The following HSF2BP variants were observed in gnomAD, a reference collection of about 807,000 sequenced individuals.
The protein encoded by HSF2BP is heat shock factor 2-binding protein.
HSF2BP carries 35 observed loss-of-function variants against 35.0 expected under a neutral mutation model. The observed-to-expected ratio is 1.00, with a 90% CI of 0.76 to 1.32. The LOEUF (loss-of-function observed/expected upper bound fraction) is 1.32. HSF2BP is among the 40% of genes most tolerant of loss of function. The pLI is 0.00. For synonymous variants in HSF2BP, 114 were observed against 117.4 expected, an observed-to-expected ratio of 0.97 and a Z score of 0.18; for missense variants, 326 against 321.7, an observed-to-expected ratio of 1.01 and a Z score of -0.10.
rs186225916 is a variant in HSF2BP, at chr21:43,658,995, G to A, written c.-225+391C>T. Among the ~76,000 whole-genome samples, 1,160 of 152,322 alleles carry A rather than the reference G, an allele frequency of 7.6e-3. 10 individuals are homozygous for A. The highest frequency in any genetic ancestry group is 0.026 in the African/African-American group (1,063 of 41,562). ...CTGGCTCAACGAGGTGTGCTAAATG[G>A]GATTAAAGATCCTGGACCGTGGCCA... On this transcript the variant is annotated intron_variant, in intron 1 of 8. Coordinates refer to ENST00000291560, the MANE Select transcript of HSF2BP (RefSeq NM_007031.2).
At chr21:43,631,718 A>C (rs2082458788) in intron 5 of HSF2BP, among the ~76,000 whole-genome samples, 1 of 152,132 alleles carries the variant, frequency 6.6e-6, no homozygotes, top group Non-Finnish European at 1.5e-5. Flanking sequence ...ACTCTATGAC[A>C]TTAACTCTCC....
At chr21:43,609,495 C>A (rs1016064342) in intron 7 of HSF2BP, among the ~76,000 whole-genome samples, 5 of 152,052 alleles carry the variant, frequency 3.3e-5, no homozygotes, top group African/African-American at 9.7e-5. Context: ...ATCTCTGGGT[C>A]TAAGGTACTA....
At chr21:43,632,463 A>T (rs1287764628) in intron 5 of HSF2BP, among the ~76,000 whole-genome samples, 1 of 125,436 alleles carries the variant, frequency 8.0e-6, no homozygotes, top group Non-Finnish European at 1.7e-5. Context: ...GCTCAAACAC[A>T]CATGCTCACA....
intron 7 of HSF2BP, among the ~76,000 whole-genome samples, chr21:43,607,176 G>C (rs1421509328): frequency 2.0e-5 from 3 of 151,960 alleles, no homozygotes; most frequent in Non-Finnish European, 2.9e-5. Context: ...TGTAGTCCCA[G>C]CTACTCAGGA....
At chr21:43,627,715 G>A (rs1448533076) in intron 6 of HSF2BP, among the ~76,000 whole-genome samples, 1 of 152,094 alleles carries the variant, frequency 6.6e-6, no homozygotes, top group Admixed American at 6.5e-5. Context: ...AGAATTACAG[G>A]CACATTTCGT....
At chr21:43,638,594 A>G (rs896930731) in intron 4 of HSF2BP, among the ~76,000 whole-genome samples, 3 of 152,258 alleles carry the variant, frequency 2.0e-5, no homozygotes, top group African/African-American at 7.2e-5. Context: ...ATAATTAGGT[A>G]AAAATCTAAC....
At chr21:43,575,987 G>A (rs371854968) in intron 8 of HSF2BP, among the ~76,000 whole-genome samples, 10 of 152,024 alleles carry the variant, frequency 6.6e-5, no homozygotes, top group South Asian at 2.1e-4. Flanking sequence ...GTGTGGTGGC[G>A]TGCGCCTGTA....
intron 7 of HSF2BP, among the ~76,000 whole-genome samples, chr21:43,607,006 GC>G (rs1231575085): frequency 6.6e-6 from 1 of 152,160 alleles, no homozygotes; most frequent in Non-Finnish European, 1.5e-5. Flanking sequence ...AGAACTGGAG[GC>G]CAGGTGTGGT....
At chr21:43,586,786 G>C (rs1000690533) in intron 8 of HSF2BP, among the ~76,000 whole-genome samples, 1 of 151,424 alleles carries the variant, frequency 6.6e-6, no homozygotes, top group Non-Finnish European at 1.5e-5. Flanking sequence ...GGGATAATGA[G>C]ATCTTTTTTT....
At chr21:43,575,924 C>A (rs1436562049) in intron 8 of HSF2BP, among the ~76,000 whole-genome samples, 1 of 152,144 alleles carries the variant, frequency 6.6e-6, no homozygotes, top group Non-Finnish European at 1.5e-5. Context: ...TTGAGATCAG[C>A]CTGGCCAACA....
intron 4 of HSF2BP, among the ~76,000 whole-genome samples, chr21:43,635,980 T>C (rs2082547931): frequency 1.4e-5 from 2 of 142,732 alleles, no homozygotes; most frequent in South Asian, 2.2e-4. Flanking sequence ...TGGCTAATTG[T>C]ACCTTGGGAG....
At chr21:43,655,055 G>A (rs949534701) in intron 3 of HSF2BP, among the ~76,000 whole-genome samples, 1 of 152,184 alleles carries the variant, frequency 6.6e-6, no homozygotes, top group Non-Finnish European at 1.5e-5. Flanking sequence ...GCCCTCACTC[G>A]GTTTGATTTT....
intron 3 of HSF2BP, among the ~76,000 whole-genome samples, chr21:43,652,086 T>C (rs938731370): frequency 6.6e-6 from 1 of 152,226 alleles, no homozygotes; most frequent in African/African-American, 2.4e-5. Flanking sequence ...TATTCATTCC[T>C]ACCTTCAGGT....
At chr21:43,608,602 T>C (rs1200736964) in intron 7 of HSF2BP, among the ~76,000 whole-genome samples, 3 of 152,096 alleles carry the variant, frequency 2.0e-5, no homozygotes, top group Non-Finnish European at 4.4e-5. Context: ...ACTTGGTAAA[T>C]AGCCAAAGGA....
At chr21:43,651,186 T>C (rs1215728586) in intron 3 of HSF2BP, among the ~76,000 whole-genome samples, 1 of 152,176 alleles carries the variant, frequency 6.6e-6, no homozygotes, top group East Asian at 1.9e-4. Flanking sequence ...AGGTGTTATT[T>C]ACCAGGGACT....
intron 7 of HSF2BP, among the ~76,000 whole-genome samples, chr21:43,598,387 TTG>T (rs916729637): frequency 1.6e-4 from 14 of 85,744 alleles, no homozygotes; most frequent in East Asian, 5.5e-4. Context: ...GTGGGTTTTT[TTG>T]TTTTTTTTTT....
chr21:43,607,669 G>A (rs1011892602), intron 7 of HSF2BP, among the ~76,000 whole-genome samples: 1 of 152,138 alleles, frequency 6.6e-6, no homozygotes, highest in African/African-American at 2.4e-5. Flanking sequence ...CAAAGCTAGA[G>A]CCATCACACT....
At chr21:43,593,657 C>T (rs1336648842) in intron 7 of HSF2BP, among the ~76,000 whole-genome samples, 1 of 151,964 alleles carries the variant, frequency 6.6e-6, no homozygotes, top group Non-Finnish European at 1.5e-5. Flanking sequence ...TCAAAAATAA[C>T]AGCAGAATGT....
intron 5 of HSF2BP, among the ~76,000 whole-genome samples, chr21:43,632,384 CCCA>C (rs1339911381): frequency 5.5e-5 from 7 of 127,962 alleles, no homozygotes; most frequent in Admixed American, 7.7e-5. Flanking sequence ...ACGCTCCCCC[CCCA>C]CACACACACA....
Sources: allele counts gnomAD v4.1 joint callset (sites outside exome capture counted in the v4.1 genomes callset), GRCh38; gene constraint gnomAD v4.1.1; transcripts MANE v1.5; gene names NCBI Gene and HGNC (gene_info 2026-07-23, HGNC 2026-07-21).